Variants in STXBP6 observed in about 807,000 individuals in gnomAD.
The protein encoded by STXBP6 is syntaxin binding protein 6.
A neutral mutation model predicts 26.9 loss-of-function variants in STXBP6; 21 were observed. That is an observed-to-expected ratio of 0.78 (90% CI 0.55 to 1.12). STXBP6 has a LOEUF of 1.12. STXBP6 is among the 50% of genes most tolerant of loss of function. The pLI is 0.00. For synonymous variants in STXBP6, 97 were observed against 92.6 expected (o/e 1.05, Z -0.27); for missense variants, 232 against 257.9 (o/e 0.90, Z 0.69).
At chr14:24,822,297 T>A (rs571823330) in intron 4 of STXBP6, among the ~76,000 whole-genome samples, 4 of 152,222 alleles carry the variant, frequency 2.6e-5, no homozygotes, top group Admixed American at 6.5e-5. Context: ...CAACTAAAGG[T>A]CACCTCCTAT....
At chr14:24,954,050 GA>G (rs557525973) in intron 2 of STXBP6, among the ~76,000 whole-genome samples, 2 of 152,168 alleles carry the variant, frequency 1.3e-5, no homozygotes, top group Non-Finnish European at 2.9e-5. Flanking sequence ...GGCTCTTAGA[GA>G]TGAAAGTGAC....
intron 1 of STXBP6, among the ~76,000 whole-genome samples, chr14:25,019,921 A>T (rs926849540): frequency 3.5e-5 from 5 of 143,136 alleles, no homozygotes; most frequent in Admixed American, 2.1e-4. Flanking sequence ...TCTCAAGTAT[A>T]AAAAATGCTG....
intron 2 of STXBP6, among the ~76,000 whole-genome samples, chr14:24,909,940 G>A (rs920405751): frequency 1.3e-5 from 2 of 151,856 alleles, no homozygotes; most frequent in African/African-American, 4.8e-5. Context: ...CCTTGAGTGA[G>A]TCACCTTAAT....
chr14:25,043,655 G>A (rs911598192), intron 1 of STXBP6, among the ~76,000 whole-genome samples: 10 of 152,006 alleles, frequency 6.6e-5, no homozygotes, highest in African/African-American at 2.2e-4. Flanking sequence ...CTGTCACTGT[G>A]GATTTTCCTA....
intron 2 of STXBP6, among the ~76,000 whole-genome samples, chr14:24,911,155 T>C (rs2071557639): frequency 6.6e-6 from 1 of 151,854 alleles, no homozygotes; most frequent in Non-Finnish European, 1.5e-5. Flanking sequence ...TGAGACTTTG[T>C]CTCTACAAAA....
intron 2 of STXBP6, among the ~76,000 whole-genome samples, chr14:24,907,460 T>C (rs2071423023): frequency 6.6e-6 from 1 of 152,210 alleles, no homozygotes; most frequent in Non-Finnish European, 1.5e-5. Flanking sequence ...CTCAATTATA[T>C]AAAAATGTCT....
chr14:24,978,039 A>C (rs906274198), intron 1 of STXBP6, among the ~76,000 whole-genome samples: 4 of 152,258 alleles, frequency 2.6e-5, no homozygotes, highest in African/African-American at 9.6e-5. Flanking sequence ...ACACATGTAT[A>C]CATGTTTTTA....
intron 2 of STXBP6, among the ~76,000 whole-genome samples, chr14:24,945,887 G>A (rs2072970529): frequency 6.6e-6 from 1 of 152,096 alleles, no homozygotes; most frequent in African/African-American, 2.4e-5. Context: ...TGACTTCCAG[G>A]GAGACACGCT....
chr14:24,914,345 T>C (rs1351936016), intron 2 of STXBP6, among the ~76,000 whole-genome samples: 3 of 152,320 alleles, frequency 2.0e-5, no homozygotes, highest in East Asian at 3.9e-4. Context: ...GATTGAGATA[T>C]GATATTTGCA....
At chr14:24,986,926 C>G (rs1036106757) in intron 1 of STXBP6, among the ~76,000 whole-genome samples, 4 of 152,178 alleles carry the variant, frequency 2.6e-5, no homozygotes, top group Non-Finnish European at 5.9e-5. Flanking sequence ...AAATCCAGGT[C>G]AGACTCAAAG....
At position 24,812,507 on chromosome 14, in the gene STXBP6, A is replaced by AT; in HGVS notation, c.*201dup. The AT allele has an allele frequency of 1.7e-6, 1 of 593,680 alleles. No individual in the cohort carries two copies. Among genetic ancestry groups the AT allele is most frequent in the East Asian group, 2.8e-5 (1 of 35,560 alleles). 36.8% of individuals were successfully genotyped at this position (593,680 alleles called of 1,614,324 possible). ...AAAATGAAGCTGATGCTATTGTAGC[A>AT]TTTATTAGCAAGATCATTAGGGAAA... On this transcript the variant is annotated 3_prime_UTR_variant, in exon 6 of 6. Coordinates refer to ENST00000323944, the MANE Select transcript of STXBP6 (RefSeq NM_001394410.1).
rs188775691 is a variant in STXBP6 at position 24,873,663 on chromosome 14, G to A, written c.155-16506C>T. ...TACGGGAAAGGTCAGTGCCTTCTGC[G>A]TGCGACATTTGTTTTTCCTCCTTAG... On this transcript the variant is annotated intron_variant, in intron 2 of 5. Transcript: ENST00000323944. Among the ~76,000 whole-genome samples, 7 of 152,270 alleles carry A rather than the reference G, an allele frequency of 4.6e-5. No homozygotes were observed. The East Asian group carries it at 7.7e-4, about 17-fold the overall frequency.
intron 2 of STXBP6, among the ~76,000 whole-genome samples, chr14:24,913,587 C>T (rs948074675): frequency 2.6e-5 from 4 of 152,082 alleles, no homozygotes; most frequent in Non-Finnish European, 5.9e-5. Context: ...TTTTAGAACC[C>T]CAGCTCAGAT....
chr14:24,971,418 G>T (rs2073902988), intron 2 of STXBP6, among the ~76,000 whole-genome samples: 1 of 152,182 alleles, frequency 6.6e-6, no homozygotes, highest in African/African-American at 2.4e-5. Flanking sequence ...GACAAAGTTT[G>T]CCAGTTCAAA....
chr14:24,963,536 T>C (rs1391392353), intron 2 of STXBP6, among the ~76,000 whole-genome samples: 1 of 152,108 alleles, frequency 6.6e-6, no homozygotes, highest in African/African-American at 2.4e-5. Context: ...AGTATGAAAA[T>C]CCTCAGAGAG....
chr14:24,949,545 C>T (rs2073097117), intron 2 of STXBP6, among the ~76,000 whole-genome samples: 2 of 152,004 alleles, frequency 1.3e-5, no homozygotes, highest in South Asian at 2.1e-4. Context: ...GAGAGAGAGA[C>T]GCACGGAAGA....
chr14:24,950,219 C>G (rs2073115722), intron 2 of STXBP6, among the ~76,000 whole-genome samples: 1 of 150,222 alleles, frequency 6.7e-6, no homozygotes, highest in Admixed American at 6.6e-5. Context: ...AACAGGCACT[C>G]TATACACTGC....
At chr14:24,826,176 C>T (rs1476894981) in intron 4 of STXBP6, among the ~76,000 whole-genome samples, 1 of 152,168 alleles carries the variant, frequency 6.6e-6, no homozygotes, top group Non-Finnish European at 1.5e-5. Flanking sequence ...AAACTCTCTA[C>T]ACAATGCTAC....
At chr14:24,948,506 C>T (rs1310171435) in intron 2 of STXBP6, among the ~76,000 whole-genome samples, 2 of 152,042 alleles carry the variant, frequency 1.3e-5, no homozygotes, top group African/African-American at 2.4e-5. Context: ...ACACTATGCT[C>T]ACATAGTTGA....
Sources: gnomAD v4.1 joint callset for allele counts (sites outside exome capture counted in the v4.1 genomes callset) on GRCh38, gnomAD v4.1.1 for gene constraint, MANE v1.5 for transcripts, NCBI Gene and HGNC (gene_info 2026-07-23, HGNC 2026-07-21) for gene names.